HEATR5B: variants seen among roughly 807,000 people sequenced by gnomAD.
The protein encoded by HEATR5B is HEAT repeat containing 5B, also known as HEAT repeat-containing protein 5B.
HEATR5B carries 156 observed loss-of-function variants against 224.1 expected under a neutral mutation model. The ratio of observed to expected loss-of-function variants is 0.70; its 90% CI spans 0.61 to 0.80. The LOEUF (loss-of-function observed/expected upper bound fraction) is 0.80. Among genes scored for constraint, HEATR5B ranks in the 30% least tolerant of loss-of-function variants. HEATR5B has a pLI of 0.00. For missense variants in HEATR5B, 2,323 were observed against 2,535.5 expected (o/e 0.92, Z 1.80); for synonymous variants, 1,027 against 893.0 (o/e 1.15, Z -2.68).
chr2:37,017,311 T>G (rs1300685443), intron 26 of HEATR5B, among the ~76,000 whole-genome samples: 1 of 151,014 alleles, frequency 6.6e-6, no homozygotes, highest in Non-Finnish European at 1.5e-5. Flanking sequence ...CTTGATTGCT[T>G]GAACTCGGGA....
intron 20 of HEATR5B, among the ~76,000 whole-genome samples, chr2:37,038,293 C>A (rs1371756472): frequency 6.6e-6 from 1 of 152,076 alleles, no homozygotes; most frequent in African/African-American, 2.4e-5. Context: ...GCACGCGCCA[C>A]CACGCCCAGC....
chr2:37,042,653 A>G (rs1669944285), intron 18 of HEATR5B, among the ~76,000 whole-genome samples: 1 of 152,176 alleles, frequency 6.6e-6, no homozygotes, highest in South Asian at 2.1e-4. Flanking sequence ...GCATTTTGGG[A>G]AGCCAAGGCA....
At chr2:37,055,099 C>T in intron 16 of HEATR5B, 1 of 414,974 alleles carries the variant, frequency 2.4e-6, no homozygotes, top group Non-Finnish European at 5.0e-6. Context: ...GCACTAAGAA[C>T]AGCAGTAAAT....
chr2:37,075,527 G>A lies in HEATR5B; in HGVS notation c.555C>T (p.Leu185=), dbSNP rs768161024. Residue 185 remains leucine (L), a synonymous_variant, in exon 5 of 36, where the codon CTC becomes CTT. Coordinates refer to ENST00000233099, the MANE Select transcript of HEATR5B (RefSeq NM_019024.3). ...HRDIYKNARS[L]LTDRSMAVRC... ...GAACAGCCATTGACCTATCAGTCAA[G>A]AGAGACCTGGCATTCTTGTAAATAT... 1.9e-6 allele frequency: 3 copies of A among 1,614,100 alleles called. No individual in the cohort carries two copies. The highest frequency in any genetic ancestry group is 2.5e-6 in the Non-Finnish European group (3 of 1,179,960).
intron 26 of HEATR5B, among the ~76,000 whole-genome samples, chr2:37,018,789 G>T (rs1457698248): frequency 6.6e-6 from 1 of 152,172 alleles, no homozygotes; most frequent in Non-Finnish European, 1.5e-5. Flanking sequence ...TTACCTAAAA[G>T]ATTAGAGCTT....
intron 9 of HEATR5B, 98 bp downstream of exon 9, chr2:37,065,656 TA>T (rs1335508427): frequency 7.0e-6 from 7 of 1,006,350 alleles, no homozygotes; most frequent in Non-Finnish European, 3.0e-6. Flanking sequence ...TCTGAAGTGC[TA>T]ATGATGATGA....
chr2:37,068,937 A>G lies in HEATR5B; in HGVS notation c.928-7T>C, dbSNP rs772209870. ...TCACAAAAACAACATACGCCTGTAAAAAGAGGAAGGTACGACTTCAGATAC... is the reference window on the plus strand; with the variant it reads ...TCACAAAAACAACATACGCCTGTAAGAAGAGGAAGGTACGACTTCAGATAC... On this transcript the variant is annotated splice_polypyrimidine_tract_variant and splice_region_variant and intron_variant, in intron 7 of 35. Transcript: ENST00000233099. 2.2e-5 allele frequency: 35 copies of G among 1,607,770 alleles called. No individual in the cohort carries two copies. Among genetic ancestry groups the G allele is most frequent in the Admixed American group, 5.0e-5 (3 of 59,704 alleles).
At chr2:36,987,311 C>T (rs1416639436) in intron 35 of HEATR5B, among the ~76,000 whole-genome samples, 2 of 152,050 alleles carry the variant, frequency 1.3e-5, no homozygotes, top group Non-Finnish European at 2.9e-5. Context: ...TGCCTGTAAT[C>T]CCAGCTACTC....
chr2:37,076,852 G>C, intron 4 of HEATR5B, 59 bp downstream of exon 4: 1 of 1,244,778 alleles, frequency 8.0e-7, no homozygotes, highest in Non-Finnish European at 1.2e-6. Flanking sequence ...ACATATTTTA[G>C]CTGACATCTA....
chr2:37,035,021 A>G (rs1669390133), intron 21 of HEATR5B, among the ~76,000 whole-genome samples: 1 of 152,226 alleles, frequency 6.6e-6, no homozygotes, highest in Non-Finnish European at 1.5e-5. Context: ...AGTGGGGACA[A>G]TATCCAATCC....
In HEATR5B at chr2:37,002,698, C is replaced by T. The variant is rs563459908; in HGVS notation, c.5051-126G>A. The T allele has an allele frequency of 6.8e-4, 631 of 923,306 alleles. 7 individuals carry two copies. The highest frequency in any genetic ancestry group is 6.4e-3 in the Middle Eastern group (23 of 3,614). 57.2% of individuals were successfully genotyped at this position (923,306 alleles called of 1,614,324 possible). A position where few individuals can be genotyped will look rare whatever the true frequency, so the allele number is the denominator to read the frequency against. On this transcript the variant is annotated intron_variant, in intron 31 of 35. Transcript: ENST00000233099. Reference sequence around the variant, plus strand: ...ATGTCAAATAATGTCACACGTCCTTCTCTGTATAATTCTCTGCCTCCCTAG... The same window carrying T: ...ATGTCAAATAATGTCACACGTCCTTTTCTGTATAATTCTCTGCCTCCCTAG...
intron 22 of HEATR5B, among the ~76,000 whole-genome samples, chr2:37,030,585 G>C (rs1669068280): frequency 1.3e-5 from 2 of 152,158 alleles, no homozygotes; most frequent in African/African-American, 4.8e-5. Flanking sequence ...AAACCCTCCA[G>C]AAAATGTGCA....
chr2:37,049,629 T>G, intron 18 of HEATR5B, 24 bp downstream of exon 18: 4 of 1,595,474 alleles, frequency 2.5e-6, no homozygotes, highest in Non-Finnish European at 3.4e-6. Flanking sequence ...CACATGAAAC[T>G]TGTTAGTAAA....
Position 37,005,667 on chromosome 2 carries a change from A to T in HEATR5B, c.4870T>A (p.Ser1624Thr), listed in dbSNP as rs1165423385. 6.2e-7 allele frequency: 1 copy of T among 1,613,464 alleles called. No individual in the cohort carries two copies. Among genetic ancestry groups the T allele is most frequent in the Non-Finnish European group, 8.5e-7 (1 of 1,179,492 alleles). ...GCAATATGGACTCGAGCATAAGGGG[A>T]GTCTAGCAAGGTATGTAAGGCCTGC... Reference protein sequence around the residue: ...CLQALHTLLDSPYARVHIAED... With the variant: ...CLQALHTLLDTPYARVHIAED... Residue 1624 changes from serine to threonine, a missense_variant, in exon 30 of 36, where the codon TCC becomes ACC. Ser to Thr is a moderately conservative substitution (Grantham distance 58, BLOSUM62 1). Transcript: ENST00000233099.
At chr2:37,074,463 A>G (rs985430642) in intron 5 of HEATR5B, among the ~76,000 whole-genome samples, 2 of 152,174 alleles carry the variant, frequency 1.3e-5, no homozygotes, top group African/African-American at 2.4e-5. Context: ...AAACTATAAA[A>G]CTTCTAGAAG....
At chr2:37,058,403 G>T in intron 14 of HEATR5B, 48 bp downstream of exon 14, 1 of 1,078,648 alleles carries the variant, frequency 9.3e-7, no homozygotes, top group Non-Finnish European at 1.4e-6. Context: ...ATACGGTGAA[G>T]AATTGTAAAG....
At chr2:37,022,482 C>T (rs1052663788) in intron 24 of HEATR5B, among the ~76,000 whole-genome samples, 1 of 152,220 alleles carries the variant, frequency 6.6e-6, no homozygotes, top group Non-Finnish European at 1.5e-5. Flanking sequence ...TGGGCTCAGG[C>T]TATATTATCT....
chr2:37,015,767 C>T (rs1380806817), intron 26 of HEATR5B, among the ~76,000 whole-genome samples: 1 of 152,118 alleles, frequency 6.6e-6, no homozygotes, highest in Non-Finnish European at 1.5e-5. Flanking sequence ...AGATATTCAG[C>T]AGGCAATTAA....
At chr2:36,988,476 G>A (rs960078924) in intron 35 of HEATR5B, among the ~76,000 whole-genome samples, 170 bp downstream of exon 35, 1 of 152,086 alleles carries the variant, frequency 6.6e-6, no homozygotes, top group Non-Finnish European at 1.5e-5. Flanking sequence ...TGGCCAGGAT[G>A]GTCTCGATCT....
Sources: gnomAD v4.1 joint callset for allele counts (sites outside exome capture counted in the v4.1 genomes callset) on GRCh38, gnomAD v4.1.1 for gene constraint, MANE v1.5 for transcripts, NCBI Gene and HGNC (gene_info 2026-07-23, HGNC 2026-07-21) for gene names.